SCML2: variants seen among roughly 807,000 people sequenced by gnomAD.
The protein encoded by SCML2 is Scm polycomb group protein like 2.
In SCML2, 6 loss-of-function variants were observed where a neutral mutation model predicts 48.4. That is an observed-to-expected ratio of 0.12 (90% CI 0.07 to 0.24). SCML2 has a LOEUF of 0.24. Ranked by LOEUF, SCML2 falls within the 10% of genes least tolerant of loss-of-function variation. The pLI, the probability that SCML2 is intolerant of heterozygous loss-of-function variation, is 1.00. For synonymous variants in SCML2, 181 were observed against 189.5 expected (o/e 0.95, Z 0.37); for missense variants, 377 against 528.2 (o/e 0.71, Z 2.81).
At chrX:18,341,331 G>A (rs920946165) in intron 1 of SCML2, 27 of 402,164 alleles carry the variant, frequency 6.7e-5, no homozygotes, top group African/African-American at 4.3e-4. Context: ...CAGGAGAAGC[G>A]GGTGAAATTT....
chrX:18,239,975 C>T lies in SCML2; in HGVS notation c.*1276G>A, dbSNP rs1278140335. ...CAGCCTGGGCAACAAGAGTGAAACTCCATCTCAAAAAAATAAAAATAAAAT... is the reference window on the plus strand; with the variant it reads ...CAGCCTGGGCAACAAGAGTGAAACTTCATCTCAAAAAAATAAAAATAAAAT... On this transcript the variant is annotated 3_prime_UTR_variant, in exon 15 of 15. Transcript: ENST00000251900. 1 of 111,928 alleles carries T rather than the reference C, an allele frequency of 8.9e-6. No individual in the cohort carries two copies. The highest frequency in any genetic ancestry group is 3.3e-5 in the African/African-American group (1 of 30,667). 9.2% of individuals were successfully genotyped at this position (111,928 alleles called of 1,213,427 possible). A position where few individuals can be genotyped will look rare whatever the true frequency, so the allele number is the denominator to read the frequency against.
intron 1 of SCML2, 140 bp downstream of exon 1, chrX:18,354,452 C>CAT: frequency 4.4e-6 from 1 of 227,268 alleles, no homozygotes; most frequent in Non-Finnish European, 8.0e-6. Flanking sequence ...TGAGATGGGA[C>CAT]ATAGGCGGGA....
intron 10 of SCML2, 22 bp from the exon 11 acceptor site, chrX:18,257,052 T>C: frequency 9.2e-7 from 1 of 1,091,991 alleles, no homozygotes; most frequent in Non-Finnish European, 1.2e-6. Flanking sequence ...AAAAAAAGGA[T>C]GTCAGTAACC....
intron 10 of SCML2, 106 bp downstream of exon 10, chrX:18,257,938 G>A (rs1425080590): frequency 6.3e-6 from 3 of 477,561 alleles, no homozygotes; most frequent in Admixed American, 7.0e-5. Flanking sequence ...GAAGGGGAGG[G>A]GAAAGGGGAA....
intron 5 of SCML2, among the ~76,000 whole-genome samples, chrX:18,321,480 C>G (rs1221143672): frequency 4.6e-5 from 5 of 108,645 alleles, no homozygotes; most frequent in Admixed American, 1.0e-4. Context: ...GCAATGGGTG[C>G]AGGTTTTGTC....
intron 10 of SCML2, among the ~76,000 whole-genome samples, chrX:18,257,675 G>C (rs1926898032): frequency 9.1e-6 from 1 of 109,358 alleles, no homozygotes; most frequent in African/African-American, 3.3e-5. Context: ...ATCACATGAG[G>C]CCAGGAGTTC....
chrX:18,247,754 G>A lies in SCML2; in HGVS notation c.1570+15C>T, dbSNP rs755400227. ...ACATTTCTTCCCAGTCCTGGGAGGT[G>A]TAAATGCTATTTACCTTCAGACGCA... On this transcript the variant is annotated intron_variant, in intron 12 of 14. Coordinates refer to ENST00000251900, the MANE Select transcript of SCML2 (RefSeq NM_006089.3). The A allele has an allele frequency of 9.1e-7, 1 of 1,096,943 alleles. No homozygotes were observed. Among genetic ancestry groups the A allele is most frequent in the Non-Finnish European group, 1.3e-6 (1 of 791,695 alleles). 90.4% of individuals were successfully genotyped at this position (1,096,943 alleles called of 1,213,427 possible).
chrX:18,322,509 C>T (rs1465464224), intron 5 of SCML2, among the ~76,000 whole-genome samples: 22 of 112,074 alleles, frequency 2.0e-4, no homozygotes, highest in Non-Finnish European at 1.1e-4. Context: ...AACAAATAAA[C>T]GACAAAAGAC....
At position 18,241,268 on chromosome X, in the gene SCML2, C is replaced by T. The variant is rs777830526; in HGVS notation, c.2086G>A (p.Glu696Lys). The T allele has an allele frequency of 6.7e-6, 8 of 1,197,540 alleles. No individual in the cohort carries two copies. Among genetic ancestry groups the T allele is most frequent in the Non-Finnish European group, 7.9e-6 (7 of 888,272 alleles). ...KLCYYIEKLK[E>K]GKYS is the part of the protein sequence containing the mutation. Reference sequence around the variant, plus strand: ...ACATTTTTTTAACTGTATTTTCCTTCTTTAAGCTTTTCAATGTAGTAACAC... The same window carrying T: ...ACATTTTTTTAACTGTATTTTCCTTTTTTAAGCTTTTCAATGTAGTAACAC... The change falls in exon 15 of 15, where the codon GAA becomes AAA. Residue 696 changes from glutamate (E) to lysine (K), a missense_variant. Physicochemically the swap from Glu to Lys is moderately conservative, Grantham distance 56. Transcript: ENST00000251900.
intron 3 of SCML2, among the ~76,000 whole-genome samples, chrX:18,327,836 G>A (rs151169968): frequency 2.8e-4 from 31 of 111,297 alleles, no homozygotes; most frequent in Admixed American, 1.3e-3. Context: ...ATAACATAGG[G>A]GAAACACACA....
At chrX:18,291,035 T>C (rs905780331) in intron 7 of SCML2, among the ~76,000 whole-genome samples, 2 of 111,941 alleles carry the variant, frequency 1.8e-5, no homozygotes, top group African/African-American at 6.5e-5. Context: ...AAATATAAGA[T>C]ACAGAAGAGG....
intron 6 of SCML2, among the ~76,000 whole-genome samples, chrX:18,309,035 C>A (rs764807985): frequency 1.7e-4 from 19 of 109,834 alleles, no homozygotes; most frequent in African/African-American, 6.3e-4. Context: ...ATGGCAAAAC[C>A]CTGTCTCTAC....
At chrX:18,317,624 A>C (rs1273572158) in intron 6 of SCML2, among the ~76,000 whole-genome samples, 1 of 110,843 alleles carries the variant, frequency 9.0e-6, no homozygotes, top group African/African-American at 3.3e-5. Flanking sequence ...CGAGGTCAGG[A>C]GATCGAGACC....
chrX:18,258,607 T>C (rs1926945796), intron 9 of SCML2, among the ~76,000 whole-genome samples: 1 of 111,508 alleles, frequency 9.0e-6, no homozygotes, highest in Admixed American at 9.6e-5. Flanking sequence ...CATCTTTTAA[T>C]TGTATACACA....
chrX:18,262,387 C>A (rs1475538926), intron 8 of SCML2, among the ~76,000 whole-genome samples: 2 of 93,025 alleles, frequency 2.1e-5, no homozygotes, highest in Admixed American at 1.2e-4. Flanking sequence ...GTTGCCCAGG[C>A]TAGAGTGCAG....
rs755455046 is a variant in SCML2 at position 18,324,052 on chromosome X, T to C, written c.204A>G (p.Lys68=). ...CATTGCGAGGGTCACGGGCTTCCAA[T>C]TTCATACCAACTTTGAAATCATTCA... ...PPVNDFKVGM[K]LEARDPRNAT... The change falls in exon 5 of 15, where the codon AAA becomes AAG. Residue 68 remains lysine, a synonymous_variant. Transcript: ENST00000251900. 11 of 1,207,913 alleles carry C rather than the reference T, an allele frequency of 9.1e-6. No homozygotes were observed. Among genetic ancestry groups the C allele is most frequent in the African/African-American group, 1.8e-5 (1 of 56,983 alleles).
chrX:18,313,789 T>G (rs914977042), intron 6 of SCML2, among the ~76,000 whole-genome samples: 5 of 112,299 alleles, frequency 4.5e-5, no homozygotes, highest in African/African-American at 1.6e-4. Context: ...CCAGTATGTA[T>G]GAATTTTCTT....
intron 7 of SCML2, among the ~76,000 whole-genome samples, chrX:18,288,905 G>A (rs776619417): frequency 9.0e-6 from 1 of 111,325 alleles, no homozygotes; most frequent in South Asian, 3.8e-4. Context: ...GGTTTAAGGG[G>A]GGAGGAGTGG....
At chrX:18,347,888 T>A (rs1157486160) in intron 1 of SCML2, among the ~76,000 whole-genome samples, 1 of 110,709 alleles carries the variant, frequency 9.0e-6, no homozygotes, top group Non-Finnish European at 1.9e-5. Flanking sequence ...TATGCTTTAG[T>A]AAAGAGTCCA....
Sources: allele counts gnomAD v4.1 joint callset (sites outside exome capture counted in the v4.1 genomes callset), GRCh38; gene constraint gnomAD v4.1.1; transcripts MANE v1.5; gene names NCBI Gene and HGNC (gene_info 2026-07-23, HGNC 2026-07-21).